The following NRXN3 variants were observed in gnomAD, a reference collection of about 807,000 sequenced individuals.
NRXN3 encodes the protein neurexin 3, also known as neurexin III.
Under a neutral mutation model 137.6 loss-of-function variants are expected in NRXN3, and 32 were observed. That is an observed-to-expected ratio of 0.23 (90% confidence interval 0.18 to 0.31). The LOEUF is 0.31. Among genes scored for constraint, NRXN3 ranks in the 10% least tolerant of loss-of-function variants. The pLI is 1.00. For synonymous variants in NRXN3, 798 were observed against 784.5 expected (o/e 1.02, Z -0.29); for missense variants, 1,574 against 2,062.5 (o/e 0.76, Z 4.59).
chr14:78,646,344 A>C (rs2097687706), intron 5 of NRXN3, among the ~76,000 whole-genome samples: 1 of 152,222 alleles, frequency 6.6e-6, no homozygotes, highest in Admixed American at 6.5e-5. Flanking sequence ...CGCCTTTTCC[A>C]GGTTGCCATT....
At chr14:79,087,447 A>T (rs1435091722) in intron 15 of NRXN3, among the ~76,000 whole-genome samples, 1 of 152,146 alleles carries the variant, frequency 6.6e-6, no homozygotes, top group Non-Finnish European at 1.5e-5. Flanking sequence ...AATATTCTAA[A>T]GGGGAAAGTA....
At chr14:79,030,126 C>T (rs1477213823) in intron 15 of NRXN3, among the ~76,000 whole-genome samples, 1 of 150,698 alleles carries the variant, frequency 6.6e-6, no homozygotes, top group Non-Finnish European at 1.5e-5. Context: ...AAGCGACCCA[C>T]CTGCCTCAGC....
chr14:78,454,322 G>A (rs1321925735), intron 4 of NRXN3, among the ~76,000 whole-genome samples: 2 of 151,592 alleles, frequency 1.3e-5, no homozygotes, highest in Admixed American at 1.3e-4. Flanking sequence ...CTATGTCCAA[G>A]CCCCATTCCC....
chr14:79,492,299 A>G (rs1251692259), intron 16 of NRXN3, among the ~76,000 whole-genome samples: 2 of 152,210 alleles, frequency 1.3e-5, no homozygotes, highest in Admixed American at 6.6e-5. Flanking sequence ...AAATTTGTCA[A>G]TAGGTCCCTA....
At chr14:78,500,079 G>T (rs975539956) in intron 4 of NRXN3, among the ~76,000 whole-genome samples, 3 of 152,150 alleles carry the variant, frequency 2.0e-5, no homozygotes, top group Non-Finnish European at 4.4e-5. Context: ...GCCATAGCAT[G>T]CCTGACCTGT....
chr14:78,998,793 G>A (rs1343495030), intron 15 of NRXN3, among the ~76,000 whole-genome samples: 10 of 144,564 alleles, frequency 6.9e-5, no homozygotes, highest in Admixed American at 4.9e-4. Flanking sequence ...CAGTAGAGAC[G>A]GGGTTTCACC....
At chr14:79,539,177 C>T (rs988472701) in intron 16 of NRXN3, among the ~76,000 whole-genome samples, 3 of 151,722 alleles carry the variant, frequency 2.0e-5, no homozygotes, top group Admixed American at 6.6e-5. Flanking sequence ...TACAGGCATG[C>T]ACCACCACAC....
intron 4 of NRXN3, among the ~76,000 whole-genome samples, chr14:78,537,977 T>C (rs1420418198): frequency 6.6e-6 from 1 of 152,240 alleles, no homozygotes; most frequent in African/African-American, 2.4e-5. Flanking sequence ...GTATATCTGT[T>C]TTGGTAACAG....
At chr14:79,674,457 A>G (rs544695909) in intron 17 of NRXN3, among the ~76,000 whole-genome samples, 18 of 152,056 alleles carry the variant, frequency 1.2e-4, no homozygotes, top group Non-Finnish European at 2.4e-4. Context: ...CCTCATTTAC[A>G]GATGAGTAAA....
intron 15 of NRXN3, among the ~76,000 whole-genome samples, chr14:78,992,693 T>C (rs1448630647): frequency 1.3e-5 from 2 of 152,216 alleles, no homozygotes; most frequent in African/African-American, 2.4e-5. Flanking sequence ...TTATGGACTT[T>C]GTGAAAATAG....
chr14:78,656,916 G>A (rs1244272643), intron 6 of NRXN3, among the ~76,000 whole-genome samples: 3 of 151,664 alleles, frequency 2.0e-5, no homozygotes, highest in South Asian at 2.1e-4. Context: ...GCGTGGTGGC[G>A]GGCACCTGTA....
At chr14:79,675,692 T>C (rs1027149407) in intron 17 of NRXN3, among the ~76,000 whole-genome samples, 5 of 152,062 alleles carry the variant, frequency 3.3e-5, no homozygotes, top group African/African-American at 1.2e-4. Context: ...AGATACAATA[T>C]GTAAGAAGGA....
intron 4 of NRXN3, among the ~76,000 whole-genome samples, chr14:78,549,374 A>G (rs1389599943): frequency 6.6e-6 from 1 of 151,888 alleles, no homozygotes; most frequent in Non-Finnish European, 1.5e-5. Flanking sequence ...TCACTTGATT[A>G]CTCTTAGTTT....
chr14:79,321,973 A>C (rs1426322376), intron 15 of NRXN3, among the ~76,000 whole-genome samples: 1 of 151,782 alleles, frequency 6.6e-6, no homozygotes, highest in Non-Finnish European at 1.5e-5. Flanking sequence ...ATAGTGGCTC[A>C]TCATGCCTGT....
chr14:78,347,468 A>C (rs1309158603), intron 4 of NRXN3, among the ~76,000 whole-genome samples: 1 of 152,222 alleles, frequency 6.6e-6, no homozygotes, highest in African/African-American at 2.4e-5. Context: ...AGCTCCAAAT[A>C]GAGACAAGAC....
chr14:79,594,838 T>A (rs186235230), intron 16 of NRXN3, among the ~76,000 whole-genome samples: 45 of 152,308 alleles, frequency 3.0e-4, no homozygotes, highest in African/African-American at 1.0e-3. Context: ...ACCTTGGTGC[T>A]TCTTTTGGGT....
At chr14:78,440,950 C>T (rs1299288431) in intron 4 of NRXN3, among the ~76,000 whole-genome samples, 2 of 152,190 alleles carry the variant, frequency 1.3e-5, no homozygotes, top group African/African-American at 4.8e-5. Flanking sequence ...TGTCTGTGTC[C>T]TGAGGCACAG....
At chr14:78,693,606 A>G (rs189321088) in intron 6 of NRXN3, among the ~76,000 whole-genome samples, 1 of 144,944 alleles carries the variant, frequency 6.9e-6, no homozygotes, top group Non-Finnish European at 1.5e-5. Context: ...TACTTTTTGT[A>G]CTTTTGGTCT....
intron 4 of NRXN3, among the ~76,000 whole-genome samples, chr14:78,593,128 C>T (rs573130721): frequency 4.9e-4 from 74 of 152,316 alleles, no homozygotes; most frequent in African/African-American, 1.7e-3. Flanking sequence ...AATGCACACA[C>T]GCGGCACATC....
Sources: allele counts gnomAD v4.1 joint callset (sites outside exome capture counted in the v4.1 genomes callset), GRCh38; gene constraint gnomAD v4.1.1; transcripts MANE v1.5; gene names NCBI Gene and HGNC (gene_info 2026-07-23, HGNC 2026-07-21).